RSU1: variants seen among roughly 807,000 people sequenced by gnomAD.
RSU1 encodes Ras suppressor protein 1.
In RSU1, 26 loss-of-function variants were observed where a neutral mutation model predicts 31.1. The observed-to-expected ratio is 0.84, with a 90% CI of 0.61 to 1.16. RSU1 has a LOEUF of 1.16. RSU1 is among the 50% of genes most tolerant of loss of function. The pLI is 0.00. For synonymous variants in RSU1, 164 were observed against 136.3 expected (o/e 1.20, Z -1.41); for missense variants, 320 against 339.1 (o/e 0.94, Z 0.44).
intron 8 of RSU1, among the ~76,000 whole-genome samples, chr10:16,608,609 A>C (rs1010919017): frequency 1.3e-5 from 2 of 152,152 alleles, no homozygotes; most frequent in Non-Finnish European, 2.9e-5. Context: ...GCTGGTGTGC[A>C]GAAAGAGCAA....
intron 7 of RSU1, among the ~76,000 whole-genome samples, chr10:16,735,549 T>A (rs1298754652): frequency 6.6e-6 from 1 of 152,210 alleles, no homozygotes; most frequent in Admixed American, 6.5e-5. Flanking sequence ...TATTAGTCCA[T>A]TCTCACACTG....
At chr10:16,605,747 A>ACTC (rs1276171186) in intron 8 of RSU1, among the ~76,000 whole-genome samples, 1 of 151,912 alleles carries the variant, frequency 6.6e-6, no homozygotes, top group Non-Finnish European at 1.5e-5. Flanking sequence ...CTGTGGTGGA[A>ACTC]CTCCGGTTCC....
intron 2 of RSU1, among the ~76,000 whole-genome samples, chr10:16,811,077 A>G (rs1797076): frequency 0.57 from 86,298 of 151,934 alleles, 26,306 homozygotes; most frequent in East Asian, 0.79. Context: ...CGAGATAACA[A>G]TAATGTACTA....
chr10:16,748,079 C>G (rs996434696), intron 7 of RSU1: 1 of 152,274 alleles, frequency 6.6e-6, no homozygotes, highest in Non-Finnish European at 1.5e-5. Flanking sequence ...CAAAACCCTT[C>G]AATGTCTTCC....
chr10:16,736,554 A>G (rs897260891), intron 7 of RSU1, among the ~76,000 whole-genome samples: 1 of 152,142 alleles, frequency 6.6e-6, no homozygotes, highest in African/African-American at 2.4e-5. Context: ...AACCCAACAG[A>G]CCATAAAAAA....
intron 7 of RSU1, among the ~76,000 whole-genome samples, chr10:16,734,160 T>C (rs1000921176): frequency 5.3e-5 from 8 of 152,232 alleles, no homozygotes; most frequent in African/African-American, 1.7e-4. Flanking sequence ...TTGTCTCACA[T>C]TGCAGCACAT....
In RSU1 at chr10:16,695,054, A is replaced by G. The variant is rs1179124529; in HGVS notation, c.700T>C (p.Phe234Leu). 2.5e-6 allele frequency: 4 copies of G among 1,613,368 alleles called. 1 individual carries two copies. The South Asian group carries it at 3.3e-5, about 13-fold the overall frequency. The change falls in exon 8 of 9, where the codon TTT becomes CTT. Residue 234 changes from phenylalanine to leucine, a missense_variant. Physicochemically the swap from Phe to Leu is conservative, Grantham distance 22 (BLOSUM62 0). Transcript: ENST00000345264. ...TATGTCTCAGAACGGATATACTCAA[A>G]AACATGGGACACGCCAAGCTGGAAC... Reference protein sequence around the residue: ...DQFQLGVSHVFEYIRSETYKY... With the variant: ...DQFQLGVSHVLEYIRSETYKY...
Position 16,593,457 on chromosome 10 carries a change from C to CGGTGGTTCTG in RSU1, c.761_770dup (p.Lys258ArgfsTer7). On this transcript the variant is annotated frameshift_variant, in exon 9 of 9. Coordinates refer to ENST00000345264, the MANE Select transcript of RSU1 (RefSeq NM_012425.4). LOFTEE classifies it high-confidence loss of function. The stretch of plus-strand genomic sequence containing the variant: ...TTTTCGATTTGTCATTATTCTTCTT[C>CGGTGGTTCTG]GGTGGTTCTGGGTTGGCCTGCATGT... The CGGTGGTTCTG allele has an allele frequency of 6.2e-7, 1 of 1,613,948 alleles. No homozygotes were observed. The highest frequency in any genetic ancestry group is 2.2e-5 in the East Asian group (1 of 44,866).
At position 16,593,336 on chromosome 10, in the gene RSU1, G is replaced by C; in HGVS notation, c.*58C>G. On this transcript the variant is annotated 3_prime_UTR_variant, in exon 9 of 9. Transcript: ENST00000345264. ...GGTTTATTTGAGAGACAGGGCAAGAGAGAATGAAGTGTTGGAGAGAGAAGG... is the reference window on the plus strand; with the variant it reads ...GGTTTATTTGAGAGACAGGGCAAGACAGAATGAAGTGTTGGAGAGAGAAGG... The C allele has an allele frequency of 1.2e-6, 2 of 1,612,456 alleles. No homozygotes were observed. Among genetic ancestry groups the C allele is most frequent in the South Asian group, 1.1e-5 (1 of 90,780 alleles).
intron 7 of RSU1, among the ~76,000 whole-genome samples, chr10:16,739,227 A>G (rs939614350): frequency 6.6e-6 from 1 of 152,140 alleles, no homozygotes; most frequent in African/African-American, 2.4e-5. Flanking sequence ...GTATATACCC[A>G]GTAATGGGAT....
At chr10:16,639,737 G>C (rs1476320342) in intron 8 of RSU1, among the ~76,000 whole-genome samples, 2 of 152,184 alleles carry the variant, frequency 1.3e-5, no homozygotes, top group Non-Finnish European at 2.9e-5. Context: ...ATTCTGCATG[G>C]AGACTTTGTG....
At position 16,802,057 on chromosome 10, in the gene RSU1, A is replaced by G. The variant is rs567938052; in HGVS notation, c.109+14916T>C. 1.1e-4 allele frequency among the ~76,000 whole-genome samples: 17 copies of G among 152,134 alleles called. 1 individual carries two copies. In the South Asian group the frequency reaches 3.3e-3, roughly 30 times the overall value. The stretch of plus-strand genomic sequence containing the variant: ...TGAGAATGAATTGAACTACAAGTAA[A>G]CAGAAAAATATTAATAAAAATTAGG... On this transcript the variant is annotated intron_variant, in intron 2 of 8. Coordinates refer to ENST00000345264, the MANE Select transcript of RSU1 (RefSeq NM_012425.4).
At chr10:16,766,826 C>T (rs532281934) in intron 3 of RSU1, among the ~76,000 whole-genome samples, 1 of 150,004 alleles carries the variant, frequency 6.7e-6, no homozygotes, top group Non-Finnish European at 1.5e-5. Flanking sequence ...CCAGCCTGGC[C>T]GACGTGGTGA....
chr10:16,720,803 T>C (rs1836241325), intron 7 of RSU1, among the ~76,000 whole-genome samples: 1 of 152,140 alleles, frequency 6.6e-6, no homozygotes, highest in Non-Finnish European at 1.5e-5. Flanking sequence ...CTGGGCACCA[T>C]GGCGAAACCC....
chr10:16,707,570 G>GT (rs59600318), intron 7 of RSU1, among the ~76,000 whole-genome samples: 71,873 of 141,972 alleles, frequency 0.51, 18,008 homozygotes, highest in East Asian at 0.64. Context: ...TCTTAATCAG[G>GT]TTTTTTTTTT....
intron 8 of RSU1, among the ~76,000 whole-genome samples, chr10:16,612,891 C>A (rs186124140): frequency 6.6e-6 from 1 of 151,858 alleles, no homozygotes; most frequent in East Asian, 1.9e-4. Context: ...AACCTTCCCC[C>A]CTCCTCTTCC....
chr10:16,724,338 A>T (rs1836340168), intron 7 of RSU1, among the ~76,000 whole-genome samples: 1 of 152,226 alleles, frequency 6.6e-6, no homozygotes, highest in Admixed American at 6.5e-5. Context: ...AATATAATAA[A>T]ATGGTTTCAT....
chr10:16,772,710 T>A (rs1837448193), intron 3 of RSU1, among the ~76,000 whole-genome samples: 1 of 151,402 alleles, frequency 6.6e-6, no homozygotes, highest in South Asian at 2.1e-4. Flanking sequence ...AGTCTCAGTG[T>A]TATAAAAGGA....
intron 7 of RSU1, among the ~76,000 whole-genome samples, chr10:16,697,469 A>G (rs6602150): frequency 0.71 from 107,846 of 151,940 alleles, 38,917 homozygotes; most frequent in African/African-American, 0.84. Flanking sequence ...CCACAAGGCA[A>G]TTTGGCCAAC....
Sources: gnomAD v4.1 joint callset for allele counts (sites outside exome capture counted in the v4.1 genomes callset) on GRCh38, gnomAD v4.1.1 for gene constraint, MANE v1.5 for transcripts, NCBI Gene and HGNC (gene_info 2026-07-23, HGNC 2026-07-21) for gene names.